TENM2: variants seen among roughly 807,000 people sequenced by gnomAD.
TENM2 encodes the protein teneurin transmembrane protein 2, also known as teneurin-2.
TENM2 carries 52 observed loss-of-function variants against 245.2 expected under a neutral mutation model. The observed-to-expected ratio is 0.21, with a 90% CI of 0.17 to 0.27. TENM2 has a LOEUF of 0.27. Among genes scored for constraint, TENM2 ranks in the 10% least tolerant of loss-of-function variants. TENM2 has a pLI of 1.00. For missense variants in TENM2, 3,046 were observed against 3,666.8 expected, an observed-to-expected ratio of 0.83 and a Z score of 4.37; for synonymous variants, 1,363 against 1,438.9, an observed-to-expected ratio of 0.95 and a Z score of 1.19.
At chr5:167,267,625 G>A in the TENM2 span, among the ~76,000 whole-genome samples, 17,204 of 152,126 alleles carry the variant, frequency 0.11, 1,140 homozygotes, top group East Asian at 0.18. Flanking sequence ...TTGATACTAT[G>A]TTGGGCAACA....
the TENM2 span, among the ~76,000 whole-genome samples, chr5:167,112,900 G>A: frequency 2.6e-5 from 4 of 152,150 alleles, no homozygotes; most frequent in Non-Finnish European, 5.9e-5. Flanking sequence ...CATGACAATG[G>A]CCTCTTTCCA....
chr5:167,853,504 G>A (rs1193075283), intron 2 of TENM2, among the ~76,000 whole-genome samples: 1 of 151,978 alleles, frequency 6.6e-6, no homozygotes, highest in Non-Finnish European at 1.5e-5. Flanking sequence ...AGTTTGAGAA[G>A]AGGAAATTTC....
chr5:167,036,626 G>T, the TENM2 span, among the ~76,000 whole-genome samples: 2 of 152,098 alleles, frequency 1.3e-5, no homozygotes, highest in African/African-American at 4.8e-5. Flanking sequence ...CCCCTCCCCA[G>T]AATTGAGACG....
chr5:167,563,000 C>G lies in TENM2; in HGVS notation c.502+187527C>G, dbSNP rs563226098. On this transcript the variant is annotated intron_variant, in intron 2 of 28. Transcript: ENST00000518659. ...AGAAAAAGAAAAAGCAAGCCTACCA[C>G]TTGTGATCTACATGTTTATGGAGCC... Among the ~76,000 whole-genome samples, 5 of 151,676 alleles carry G rather than the reference C, an allele frequency of 3.3e-5. No homozygotes were observed. The East Asian group carries it at 9.7e-4, about 29-fold the overall frequency.
the TENM2 span, among the ~76,000 whole-genome samples, chr5:167,043,457 A>G: frequency 1.3e-5 from 2 of 152,150 alleles, no homozygotes; most frequent in Non-Finnish European, 1.5e-5. Flanking sequence ...GAGAAAATAG[A>G]TGTTTTATTG....
chr5:167,058,767 G>GA, the TENM2 span, among the ~76,000 whole-genome samples: 1 of 151,016 alleles, frequency 6.6e-6, no homozygotes, highest in Non-Finnish European at 1.5e-5. Flanking sequence ...GGGGGGCGGG[G>GA]AAAAAAAAGA....
rs61507009 is a variant in TENM2, at chr5:167,450,141, ATC to A, written c.502+74674_502+74675del. ...GTCTACTGTTCTAATTTTAAATATTATCTCTCTTCTTTTTTCTCTCTATTTAA... is the reference window on the plus strand; with the variant it reads ...GTCTACTGTTCTAATTTTAAATATTATCTCTTCTTTTTTCTCTCTATTTAA... On this transcript the variant is annotated intron_variant, in intron 2 of 28. Transcript: ENST00000518659. Among the ~76,000 whole-genome samples, 372 of 152,180 alleles carry A rather than the reference ATC, an allele frequency of 2.4e-3. 6 individuals carry two copies. In the East Asian group the frequency reaches 0.027, roughly 11 times the overall value.
intron 13 of TENM2, among the ~76,000 whole-genome samples, chr5:168,167,349 G>A (rs905928300): frequency 2.0e-5 from 3 of 152,094 alleles, no homozygotes; most frequent in Non-Finnish European, 2.9e-5. Context: ...CTGGCCTGGT[G>A]AGACAGTCCT....
At chr5:166,981,955 T>A in the TENM2 span, among the ~76,000 whole-genome samples, 6 of 152,322 alleles carry the variant, frequency 3.9e-5, no homozygotes, top group East Asian at 1.2e-3. Flanking sequence ...TGTTTGTGGC[T>A]TGTTGATGGG....
intron 2 of TENM2, among the ~76,000 whole-genome samples, chr5:167,417,791 G>A (rs1473382455): frequency 1.3e-5 from 2 of 152,262 alleles, no homozygotes; most frequent in African/African-American, 2.4e-5. Flanking sequence ...ATCAACTACC[G>A]TGCAGCACTG....
chr5:167,827,102 A>C (rs1022194880), intron 2 of TENM2, among the ~76,000 whole-genome samples: 5 of 152,224 alleles, frequency 3.3e-5, no homozygotes, highest in Non-Finnish European at 5.9e-5. Context: ...CTTCAGTTTC[A>C]TGTATGTTTC....
At chr5:167,949,641 T>C (rs1295289171) in intron 3 of TENM2, among the ~76,000 whole-genome samples, 2 of 152,152 alleles carry the variant, frequency 1.3e-5, no homozygotes, top group Non-Finnish European at 2.9e-5. Context: ...GGCAGATGAG[T>C]AAGCTGAGAA....
chr5:168,144,630 G>A (rs367640518), intron 12 of TENM2, among the ~76,000 whole-genome samples: 35 of 150,990 alleles, frequency 2.3e-4, no homozygotes, highest in Non-Finnish European at 3.5e-4. Flanking sequence ...GAATAATGCC[G>A]CAATAAACAT....
chr5:167,957,784 T>C (rs1780677964), intron 4 of TENM2, among the ~76,000 whole-genome samples: 3 of 152,212 alleles, frequency 2.0e-5, no homozygotes, highest in Admixed American at 6.5e-5. Flanking sequence ...TTGTGCAGAT[T>C]TGAGTGAGTT....
chr5:168,133,265 A>G (rs1754750546), intron 12 of TENM2, among the ~76,000 whole-genome samples: 2 of 152,334 alleles, frequency 1.3e-5, no homozygotes, highest in South Asian at 4.1e-4. Context: ...TTATACAGCT[A>G]TTATTGCTTA....
At chr5:167,858,002 C>G (rs922460980) in intron 2 of TENM2, among the ~76,000 whole-genome samples, 32 of 152,220 alleles carry the variant, frequency 2.1e-4, no homozygotes, top group African/African-American at 7.7e-4. Flanking sequence ...ATCTAAGGTT[C>G]CCTCTAAAGC....
chr5:167,262,363 A>G, the TENM2 span, among the ~76,000 whole-genome samples: 4 of 151,770 alleles, frequency 2.6e-5, 1 homozygote, highest in African/African-American at 9.7e-5. Context: ...CATCTCAAAA[A>G]AAAAAAAAAG....
chr5:167,955,231 T>C (rs1780457335), intron 4 of TENM2, among the ~76,000 whole-genome samples: 1 of 152,214 alleles, frequency 6.6e-6, no homozygotes, highest in Non-Finnish European at 1.5e-5. Context: ...TAATGAGCTT[T>C]TTTTCATATG....
At chr5:166,999,612 G>A in the TENM2 span, among the ~76,000 whole-genome samples, 2 of 152,118 alleles carry the variant, frequency 1.3e-5, no homozygotes, top group African/African-American at 2.4e-5. Flanking sequence ...AGGGGTCAGC[G>A]TGCCTTAACT....
Sources: gnomAD v4.1 joint callset for allele counts (sites outside exome capture counted in the v4.1 genomes callset) on GRCh38, gnomAD v4.1.1 for gene constraint, MANE v1.5 for transcripts, NCBI Gene and HGNC (gene_info 2026-07-23, HGNC 2026-07-21) for gene names.